Variants in CEP170 observed in about 807,000 individuals in gnomAD.
The protein encoded by CEP170 is centrosomal protein of 170 kDa.
Under a neutral mutation model 151.9 loss-of-function variants are expected in CEP170, and 21 were observed. That is an observed-to-expected ratio of 0.14 (90% CI 0.10 to 0.20). The LOEUF (loss-of-function observed/expected upper bound fraction) is 0.20, where lower values mean the gene tolerates loss of function less well. CEP170 is among the 10% of genes least tolerant of loss of function. CEP170 has a pLI of 1.00. For missense variants in CEP170, 964 were observed against 1,892.9 expected (o/e 0.51, Z 9.11); for synonymous variants, 356 against 648.8 (o/e 0.55, Z 6.86).
chr1:243,141,225 T>C (rs571418546), intron 15 of CEP170, among the ~76,000 whole-genome samples: 1 of 151,830 alleles, frequency 6.6e-6, no homozygotes, highest in South Asian at 2.1e-4. Flanking sequence ...AGAAGCAGAA[T>C]AATCAATACC....
rs528168202 is a variant in CEP170, at chr1:243,177,195, T to C, written c.1567-4349A>G. On this transcript the variant is annotated intron_variant, in intron 10 of 19. Transcript: ENST00000366542. Reference sequence around the variant, plus strand: ...GAAGCTTGCTGATTGTGACAGAAAATAGAGACCATTGTGAAAGAAGAGAAG... The same window carrying C: ...GAAGCTTGCTGATTGTGACAGAAAACAGAGACCATTGTGAAAGAAGAGAAG... Among the ~76,000 whole-genome samples the C allele has an allele frequency of 2.6e-4, 39 of 152,164 alleles. 1 individual carries two copies. The South Asian group carries it at 6.8e-3, about 27-fold the overall frequency.
intron 1 of CEP170, among the ~76,000 whole-genome samples, chr1:243,237,084 A>C (rs1020736670): frequency 2.2e-4 from 34 of 152,226 alleles, no homozygotes; most frequent in Admixed American, 2.2e-3. Flanking sequence ...TAGAAAACTG[A>C]AACGTCTCAG....
At position 243,164,920 on chromosome 1, in the gene CEP170, T is replaced by C; in HGVS notation, c.3040A>G (p.Arg1014Gly). 1 of 1,613,880 alleles carries C rather than the reference T, an allele frequency of 6.2e-7. No homozygotes were observed. Among genetic ancestry groups the C allele is most frequent in the Middle Eastern group, 1.7e-4 (1 of 6,056 alleles). The change falls in exon 13 of 20, where the codon AGA (arginine) becomes GGA (glycine). Residue 1014 changes from arginine (R) to glycine (G), a missense_variant. By Grantham distance (125) the Arg-to-Gly change is moderately radical. Transcript: ENST00000366542. ...DGRKFVQSSG[R>G]IRQPSVDLTD... ...AAGTCTACTGAGGGCTGTCTTATTC[T>C]CCCACTGGACTGAACAAATTTACGA...
chr1:243,245,760 C>CA (rs535961812), intron 1 of CEP170, among the ~76,000 whole-genome samples: 4,639 of 150,756 alleles, frequency 0.031, 209 homozygotes, highest in African/African-American at 0.11. Flanking sequence ...AAAAACAAAA[C>CA]AAAAAAAACA....
At chr1:243,224,115 A>G (rs1378464677) in intron 2 of CEP170, among the ~76,000 whole-genome samples, 1 of 152,236 alleles carries the variant, frequency 6.6e-6, no homozygotes, top group Non-Finnish European at 1.5e-5. Flanking sequence ...AAGGTGCATG[A>G]CAACTTGATA....
intron 15 of CEP170, among the ~76,000 whole-genome samples, chr1:243,141,136 A>G (rs1376900588): frequency 6.6e-6 from 1 of 152,368 alleles, no homozygotes; most frequent in African/African-American, 2.4e-5. Flanking sequence ...AAATATTATT[A>G]GCACAGTTTA....
At chr1:243,193,057 A>C (rs528788393) in intron 7 of CEP170, among the ~76,000 whole-genome samples, 50 of 152,226 alleles carry the variant, frequency 3.3e-4, no homozygotes, top group African/African-American at 1.2e-3. Flanking sequence ...TATCAGAGAA[A>C]TAATCATACA....
In CEP170 at chr1:243,186,077, A is replaced by G; in HGVS notation, c.1273-5T>C. The G allele has an allele frequency of 6.2e-7, 1 of 1,613,636 alleles. No individual in the cohort carries two copies. Among genetic ancestry groups the G allele is most frequent in the South Asian group, 1.1e-5 (1 of 91,064 alleles). On this transcript the variant is annotated splice_polypyrimidine_tract_variant and splice_region_variant and intron_variant, in intron 9 of 19. Coordinates refer to ENST00000366542, the MANE Select transcript of CEP170 (RefSeq NM_014812.3). ...TCTGTGATGCGCAGAGCTAGTCTGT[A>G]AAGACAAAGAAACCACTTTGGCATC...
intron 10 of CEP170, chr1:243,174,875 GTTAT>G (rs975720425): frequency 6.6e-6 from 1 of 152,134 alleles, no homozygotes; most frequent in African/African-American, 2.4e-5. Flanking sequence ...AGCTATTCAA[GTTAT>G]TTGTGTCCGT....
intron 14 of CEP170, among the ~76,000 whole-genome samples, chr1:243,153,187 G>A (rs529661084): frequency 6.6e-6 from 1 of 152,326 alleles, no homozygotes; most frequent in South Asian, 2.1e-4. Flanking sequence ...CTGCAATCTC[G>A]TGATAAAACA....
chr1:243,182,894 C>G (rs1250724107), intron 10 of CEP170, among the ~76,000 whole-genome samples: 3 of 151,726 alleles, frequency 2.0e-5, no homozygotes, highest in Non-Finnish European at 4.4e-5. Context: ...AGTAGGGAGG[C>G]AAATGAATAA....
intron 1 of CEP170, among the ~76,000 whole-genome samples, chr1:243,230,579 A>G (rs1220084425): frequency 6.6e-6 from 1 of 152,202 alleles, no homozygotes; most frequent in African/African-American, 2.4e-5. Context: ...AACCAAACAT[A>G]TTCTGGAGCT....
intron 14 of CEP170, among the ~76,000 whole-genome samples, chr1:243,154,839 A>G (rs1317402906): frequency 2.0e-5 from 3 of 152,216 alleles, no homozygotes; most frequent in African/African-American, 4.8e-5. Flanking sequence ...GAAGGTTTTT[A>G]GTCTTTCTAG....
rs370525414 is a variant in CEP170 at position 243,221,082 on chromosome 1, T to G, written c.195+642A>C. 2.3e-4 allele frequency among the ~76,000 whole-genome samples: 35 copies of G among 152,298 alleles called. No individual in the cohort carries two copies. In the East Asian group the frequency reaches 2.9e-3, roughly 13 times the overall value. On this transcript the variant is annotated intron_variant, in intron 3 of 19. Transcript: ENST00000366542. ...TTCTGTCGCCCAGGCTGGAGTGCAGTGGCGCTGTCTCGGCTCACAACAAGC... is the reference window on the plus strand; with the variant it reads ...TTCTGTCGCCCAGGCTGGAGTGCAGGGGCGCTGTCTCGGCTCACAACAAGC...
At chr1:243,209,056 A>G (rs1237046505) in intron 4 of CEP170, among the ~76,000 whole-genome samples, 1 of 152,224 alleles carries the variant, frequency 6.6e-6, no homozygotes, top group Non-Finnish European at 1.5e-5. Flanking sequence ...AAAAGCTTGT[A>G]TATTTCACTG....
intron 14 of CEP170, 29 bp downstream of exon 14, chr1:243,156,192 A>G (rs1421576064): frequency 6.4e-7 from 1 of 1,555,260 alleles, no homozygotes; most frequent in Admixed American, 2.0e-5. Context: ...GAAATTTTGA[A>G]TTCTTAAAGA....
At position 243,164,441 on chromosome 1, in the gene CEP170, T is replaced by C. The variant is rs1053639819; in HGVS notation, c.3519A>G (p.Arg1173=). The C allele has an allele frequency of 6.3e-7, 1 of 1,586,332 alleles. No individual in the cohort carries two copies. The highest frequency in any genetic ancestry group is 8.6e-7 in the Non-Finnish European group (1 of 1,162,622). ...CTGCGGTCCTCGAAGAGGCACTACT[T>C]CTAGAAATTGTTGCTTCAGAGTCAC... ...ARSDSEATIS[R]SSASSRTAEA... Residue 1173 remains arginine, a synonymous_variant, in exon 13 of 20, where the codon AGA becomes AGG. Coordinates refer to ENST00000366542, the MANE Select transcript of CEP170 (RefSeq NM_014812.3).
intron 4 of CEP170, among the ~76,000 whole-genome samples, chr1:243,210,626 T>TTG (rs1314703037): frequency 7.4e-6 from 1 of 134,794 alleles, no homozygotes; most frequent in Non-Finnish European, 1.6e-5. Flanking sequence ...TTTTTTTTTT[T>TTG]TTTTTTTGAG....
chr1:243,240,213 G>T (rs909999808), intron 1 of CEP170, among the ~76,000 whole-genome samples: 3 of 152,188 alleles, frequency 2.0e-5, no homozygotes, highest in Non-Finnish European at 4.4e-5. Context: ...AGGAGGCTGA[G>T]GTAGGAGAAT....
Sources: gnomAD v4.1 joint callset for allele counts (sites outside exome capture counted in the v4.1 genomes callset) on GRCh38, gnomAD v4.1.1 for gene constraint, MANE v1.5 for transcripts, NCBI Gene and HGNC (gene_info 2026-07-23, HGNC 2026-07-21) for gene names.